IFFO2: variants seen among roughly 807,000 people sequenced by gnomAD.
IFFO2 encodes intermediate filament family orphan 2.
Under a neutral mutation model 53.5 loss-of-function variants are expected in IFFO2, and 19 were observed. That is an observed-to-expected ratio of 0.36 (90% CI 0.25 to 0.52). The LOEUF (loss-of-function observed/expected upper bound fraction) is 0.52, where lower values mean the gene tolerates loss of function less well. Ranked by LOEUF, IFFO2 falls within the 20% of genes least tolerant of loss-of-function variation. The pLI, the probability that IFFO2 is intolerant of heterozygous loss-of-function variation, is 0.94. For synonymous variants in IFFO2, 303 were observed against 313.6 expected (o/e 0.97, Z 0.36); for missense variants, 570 against 727.4 (o/e 0.78, Z 2.49).
At chr1:18,910,968 C>A (rs1317930004) in intron 7 of IFFO2, among the ~76,000 whole-genome samples, 1 of 152,258 alleles carries the variant, frequency 6.6e-6, no homozygotes, top group East Asian at 1.9e-4. Flanking sequence ...TGCTTCCTGG[C>A]CGCAAGGCCT....
chr1:18,951,037 C>G (rs952925675), intron 1 of IFFO2, among the ~76,000 whole-genome samples: 3 of 152,244 alleles, frequency 2.0e-5, no homozygotes, highest in African/African-American at 7.2e-5. Context: ...GATGGAAGGT[C>G]TGTCCAGCTC....
chr1:18,921,898 G>A (rs564238465), intron 1 of IFFO2, among the ~76,000 whole-genome samples: 35 of 152,210 alleles, frequency 2.3e-4, no homozygotes, highest in African/African-American at 4.8e-5. Context: ...GTGGACCCCC[G>A]CCCTTAACTG....
intron 1 of IFFO2, among the ~76,000 whole-genome samples, chr1:18,955,036 G>A (rs1936705826): frequency 6.6e-6 from 1 of 152,216 alleles, no homozygotes; most frequent in Non-Finnish European, 1.5e-5. Flanking sequence ...TTACAGAGCT[G>A]GAGCAAGACG....
At chr1:18,942,260 T>A (rs1303283303) in intron 1 of IFFO2, among the ~76,000 whole-genome samples, 1 of 152,226 alleles carries the variant, frequency 6.6e-6, no homozygotes, top group African/African-American at 2.4e-5. Flanking sequence ...ATGTTGGAGT[T>A]GGGTGAACCA....
Position 18,956,107 on chromosome 1 carries a change from G to C in IFFO2, c.226C>G (p.Arg76Gly). The C allele has an allele frequency of 6.7e-7, 1 of 1,502,912 alleles. No individual in the cohort carries two copies. Among genetic ancestry groups the C allele is most frequent in the Non-Finnish European group, 8.9e-7 (1 of 1,118,250 alleles). 93.1% of individuals were successfully genotyped at this position (1,502,912 alleles called of 1,614,324 possible). A position where few individuals can be genotyped will look rare whatever the true frequency, so the allele number is the denominator to read the frequency against. Residue 76 changes from arginine to glycine, a missense_variant, in exon 1 of 9, where the codon CGG becomes GGG. Coordinates refer to ENST00000455833, the MANE Select transcript of IFFO2 (RefSeq NM_001136265.2). The surrounding 1 kb of genome is among the most constrained non-coding windows in gnomAD (Gnocchi z 6.4). ...TGCTTCTCCAGCAGCCGGTTGCGCC[G>C]CTCCAGCTCGTGCACCTTAGCCAGG... ...CFLAKVHELERRNRLLEKQLE... is the reference protein window; with the variant it reads ...CFLAKVHELEGRNRLLEKQLE...
In IFFO2 at chr1:18,956,391, G is replaced by C. The variant is rs965821997; in HGVS notation, c.-59C>G. The C allele has an allele frequency of 5.5e-6, 1 of 181,956 alleles. No homozygotes were observed. The highest frequency in any genetic ancestry group is 1.1e-5 in the Non-Finnish European group (1 of 90,498). 11.3% of individuals were successfully genotyped at this position (181,956 alleles called of 1,614,324 possible). A position where few individuals can be genotyped will look rare whatever the true frequency, so the allele number is the denominator to read the frequency against. On this transcript the variant is annotated 5_prime_UTR_variant, in exon 1 of 9. Transcript: ENST00000455833. The surrounding 1 kb of genome is among the most constrained non-coding windows in gnomAD (Gnocchi z 6.4). Reference sequence around the variant, plus strand: ...CGGCTCCAGGTGCGGCTCCAGCTCCGGGCAGGGCTCCCGGCGCGGCCGGGC... The same window carrying C: ...CGGCTCCAGGTGCGGCTCCAGCTCCCGGCAGGGCTCCCGGCGCGGCCGGGC...
At chr1:18,930,643 G>A (rs922739628) in intron 1 of IFFO2, among the ~76,000 whole-genome samples, 4 of 152,204 alleles carry the variant, frequency 2.6e-5, no homozygotes, top group African/African-American at 9.7e-5. Context: ...TCCAGGGCAG[G>A]AGAGCCCAGC....
Position 18,911,471 on chromosome 1 carries a change from C to G in IFFO2, c.1230G>C (p.Glu410Asp), listed in dbSNP as rs772918209. The change falls in exon 7 of 9, where the codon GAG (glutamate) becomes GAC (aspartate). Residue 410 changes from glutamate (E) to aspartate (D), a missense_variant. By Grantham distance (45) the Glu-to-Asp change is conservative. Coordinates refer to ENST00000455833, the MANE Select transcript of IFFO2 (RefSeq NM_001136265.2). ...NPTIDLQGEQ[E>D]ENLGNLIHET... The stretch of plus-strand genomic sequence containing the variant: ...CATGGATCAAGTTGCCCAAGTTTTC[C>G]TCTTGCTGGGGAAATAGAACAAACG... The G allele has an allele frequency of 6.7e-7, 1 of 1,496,908 alleles. No homozygotes were observed. The highest frequency in any genetic ancestry group is 8.9e-7 in the Non-Finnish European group (1 of 1,119,580). 92.7% of individuals were successfully genotyped at this position (1,496,908 alleles called of 1,614,324 possible).
Position 18,906,691 on chromosome 1 carries a change from GTC to G in IFFO2, c.*1868_*1869del, listed in dbSNP as rs1002452722. ...GGGTGAGTGAGGAGAGAGAAGGGCC[GTC>G]TCTCTTCCAAAACCATTGTCCCTCC... On this transcript the variant is annotated 3_prime_UTR_variant, in exon 9 of 9. Coordinates refer to ENST00000455833, the MANE Select transcript of IFFO2 (RefSeq NM_001136265.2). 1.3e-5 allele frequency: 2 copies of G among 152,188 alleles called. No individual in the cohort carries two copies. Among genetic ancestry groups the G allele is most frequent in the African/African-American group, 4.8e-5 (2 of 41,440 alleles). 9.4% of individuals were successfully genotyped at this position (152,188 alleles called of 1,614,324 possible). A position where few individuals can be genotyped will look rare whatever the true frequency, so the allele number is the denominator to read the frequency against.
chr1:18,917,055 G>A lies in IFFO2; in HGVS notation c.964-13C>T. ...TTTTGGGGACCACCTGAACCGGAAA[G>A]GAAGCAATCAAGGTAACTGGGGGGC... is the stretch of plus-strand genomic sequence containing the variant. On this transcript the variant is annotated splice_polypyrimidine_tract_variant and intron_variant, in intron 4 of 8. Transcript: ENST00000455833. This position sits in a 1 kb window ranked among gnomAD's most constrained non-coding sequence, Gnocchi z 5.9. The A allele has an allele frequency of 6.4e-7, 1 of 1,552,006 alleles. No individual in the cohort carries two copies. The highest frequency in any genetic ancestry group is 8.7e-7 in the Non-Finnish European group (1 of 1,146,976).
At position 18,905,638 on chromosome 1, in the gene IFFO2, G is replaced by A. The variant is rs1319707631; in HGVS notation, c.*2923C>T. 6.6e-6 allele frequency: 1 copy of A among 152,092 alleles called. No individual in the cohort carries two copies. The highest frequency in any genetic ancestry group is 1.5e-5 in the Non-Finnish European group (1 of 68,036). The allele number at this position is 152,092 out of a possible 1,614,324, so 9.4% of individuals were successfully genotyped here. ...TTCTCAAGACGAGAAAGAAAAATGT[G>A]TTGATTTGCCAATAATTTTTTTCTC... On this transcript the variant is annotated 3_prime_UTR_variant, in exon 9 of 9. Transcript: ENST00000455833.
chr1:18,938,455 G>C (rs1307214333), intron 1 of IFFO2, among the ~76,000 whole-genome samples: 1 of 152,202 alleles, frequency 6.6e-6, no homozygotes, highest in Non-Finnish European at 1.5e-5. Context: ...CCTCTCCCAT[G>C]CTGGGACTGG....
intron 1 of IFFO2, 104 bp downstream of exon 1, chr1:18,955,564 C>T: frequency 7.0e-7 from 1 of 1,421,788 alleles, no homozygotes; most frequent in Non-Finnish European, 9.2e-7. Flanking sequence ...AGCCCACCTG[C>T]CAGTACCAGC....
At chr1:18,929,573 C>T (rs1010654501) in intron 1 of IFFO2, among the ~76,000 whole-genome samples, 1 of 152,144 alleles carries the variant, frequency 6.6e-6, no homozygotes, top group African/African-American at 2.4e-5. Context: ...ACATTCCCCT[C>T]ACCTGACATT....
chr1:18,934,057 CTTTTTTTTTT>C (rs71577808), intron 1 of IFFO2, among the ~76,000 whole-genome samples: 182 of 70,308 alleles, frequency 2.6e-3, no homozygotes, highest in African/African-American at 0.011. Flanking sequence ...TCTCTTATTT[CTTTTTTTTTT>C]TTTTTTTTTT....
intron 1 of IFFO2, among the ~76,000 whole-genome samples, chr1:18,940,077 A>C: frequency 6.6e-6 from 1 of 152,224 alleles, no homozygotes; most frequent in East Asian, 1.9e-4. Flanking sequence ...GGAGGGTGTC[A>C]TCTCAGGGCA....
chr1:18,908,510 A>G lies in IFFO2; in HGVS notation c.*51T>C. 7.6e-7 allele frequency: 1 copy of G among 1,324,422 alleles called. No homozygotes were observed. The highest frequency in any genetic ancestry group is 1.1e-6 in the Non-Finnish European group (1 of 940,200). The allele number at this position is 1,324,422 out of a possible 1,614,324, so 82.0% of individuals were successfully genotyped here. Reference sequence around the variant, plus strand: ...GGGGCCTTCCTGGCCCCATGAGGAGAGGTGGCAGGGCCCCATCACCAAGAC... The same window carrying G: ...GGGGCCTTCCTGGCCCCATGAGGAGGGGTGGCAGGGCCCCATCACCAAGAC... On this transcript the variant is annotated 3_prime_UTR_variant, in exon 9 of 9. Transcript: ENST00000455833.
chr1:18,925,758 TTGGATGGATGGA>T (rs1159913704), intron 1 of IFFO2, among the ~76,000 whole-genome samples: 4 of 150,666 alleles, frequency 2.7e-5, no homozygotes, highest in African/African-American at 4.9e-5. Context: ...AATGGATTGG[TTGGATGGATGGA>T]TGGATGGATG....
At chr1:18,915,873 C>T (rs1936125948) in intron 5 of IFFO2, among the ~76,000 whole-genome samples, 1 of 152,148 alleles carries the variant, frequency 6.6e-6, no homozygotes. Flanking sequence ...GCCAGTAATC[C>T]CAGCACTTTG....
Sources: allele counts gnomAD v4.1 joint callset (sites outside exome capture counted in the v4.1 genomes callset), GRCh38; gene constraint gnomAD v4.1.1; non-coding constraint Gnocchi (gnomAD v3.1); transcripts MANE v1.5; gene names NCBI Gene and HGNC (gene_info 2026-07-23, HGNC 2026-07-21).